The following ZDHHC2 variants were observed in gnomAD, a reference collection of about 807,000 sequenced individuals.
ZDHHC2 encodes palmitoyltransferase ZDHHC2.
ZDHHC2 carries 51 observed loss-of-function variants against 55.6 expected under a neutral mutation model. That is an observed-to-expected ratio of 0.92 (90% CI 0.73 to 1.16). The LOEUF is 1.16. ZDHHC2 is among the 50% of genes most tolerant of loss of function. The pLI, the probability that ZDHHC2 is intolerant of heterozygous loss-of-function variation, is 0.00. For synonymous variants in ZDHHC2, 199 were observed against 152.9 expected (o/e 1.30, Z -2.22); for missense variants, 491 against 442.4 (o/e 1.11, Z -0.99).
intron 1 of ZDHHC2, among the ~76,000 whole-genome samples, chr8:17,159,345 G>A (rs1804216715): frequency 6.6e-6 from 1 of 152,194 alleles, no homozygotes; most frequent in South Asian, 2.1e-4. Context: ...ACCAGAGTGT[G>A]GGGGTCGAGG....
chr8:17,211,071 A>G (rs917004061), intron 10 of ZDHHC2, among the ~76,000 whole-genome samples: 2 of 152,284 alleles, frequency 1.3e-5, no homozygotes, highest in South Asian at 4.1e-4. Context: ...TTGATTCCAG[A>G]CTATCAAGAA....
At chr8:17,176,579 C>A (rs563637722) in intron 1 of ZDHHC2, among the ~76,000 whole-genome samples, 1 of 152,134 alleles carries the variant, frequency 6.6e-6, no homozygotes, top group South Asian at 2.1e-4. Flanking sequence ...AGCTGAGTGC[C>A]GTGATCAAGA....
chr8:17,222,041 C>A lies in ZDHHC2; in HGVS notation c.*1820C>A, dbSNP rs1014138676. ...GTTAGCTGTTTTTGTGGACAGGATT[C>A]GATTAAGTATTCCCTCTTGTCAAAC... On this transcript the variant is annotated 3_prime_UTR_variant, in exon 13 of 13. Transcript: ENST00000262096. 8.7e-6 allele frequency: 1 copy of A among 115,510 alleles called. No individual in the cohort carries two copies. 7.2% of individuals were successfully genotyped at this position (115,510 alleles called of 1,614,324 possible).
At position 17,221,397 on chromosome 8, in the gene ZDHHC2, T is replaced by G. The variant is rs181197540; in HGVS notation, c.*1176T>G. Reference sequence around the variant, plus strand: ...CCTTGTATGCACTATTTAAAAAAAGTTTTTTTTATTTGAGTCCAGTATAAT... The same window carrying G: ...CCTTGTATGCACTATTTAAAAAAAGGTTTTTTTATTTGAGTCCAGTATAAT... On this transcript the variant is annotated 3_prime_UTR_variant, in exon 13 of 13. Coordinates refer to ENST00000262096, the MANE Select transcript of ZDHHC2 (RefSeq NM_016353.5). 335 of 152,254 alleles carry G rather than the reference T, an allele frequency of 2.2e-3. 2 individuals carry two copies. The highest frequency in any genetic ancestry group is 8.8e-4 in the Non-Finnish European group (60 of 67,868). The allele number at this position is 152,254 out of a possible 1,614,324, so 9.4% of individuals were successfully genotyped here.
chr8:17,182,838 T>A (rs2150903986), intron 1 of ZDHHC2, among the ~76,000 whole-genome samples: 1 of 152,310 alleles, frequency 6.6e-6, no homozygotes, highest in South Asian at 2.1e-4. Flanking sequence ...GTTGGCTCAC[T>A]GCAACCTCTG....
chr8:17,208,351 T>C (rs1017187885), intron 8 of ZDHHC2, among the ~76,000 whole-genome samples: 10 of 150,984 alleles, frequency 6.6e-5, no homozygotes, highest in Admixed American at 4.0e-4. Context: ...TATAGTGGCA[T>C]ATAGATATAT....
intron 1 of ZDHHC2, among the ~76,000 whole-genome samples, chr8:17,176,847 TATA>T (rs1805159122): frequency 6.6e-6 from 1 of 151,910 alleles, no homozygotes; most frequent in African/African-American, 2.4e-5. Context: ...TGACTTAAAG[TATA>T]ATAAAAAATA....
At chr8:17,208,142 C>A in intron 8 of ZDHHC2, 50 bp downstream of exon 8, 1 of 1,463,476 alleles carries the variant, frequency 6.8e-7, no homozygotes, top group East Asian at 2.6e-5. Context: ...CGTATACCAA[C>A]ATTCATTGAC....
intron 1 of ZDHHC2, among the ~76,000 whole-genome samples, chr8:17,160,203 A>G (rs1804265960): frequency 6.6e-6 from 1 of 152,228 alleles, no homozygotes; most frequent in Non-Finnish European, 1.5e-5. Flanking sequence ...TAACTATTTC[A>G]TACCGTTTTC....
rs971867779 is a variant in ZDHHC2 at position 17,173,689 on chromosome 8, A to G, written c.131-11100A>G. Among the ~76,000 whole-genome samples the G allele has an allele frequency of 4.0e-5, 6 of 151,372 alleles. 1 individual carries two copies. Among genetic ancestry groups the G allele is most frequent in the South Asian group, 4.2e-4 (2 of 4,772 alleles). Reference sequence around the variant, plus strand: ...GGAAAAAGACCCTGTCTTAAAAAAAAAAAGAAAGAAAGAAAGAAAAAGAAT... The same window carrying G: ...GGAAAAAGACCCTGTCTTAAAAAAAGAAAGAAAGAAAGAAAGAAAAAGAAT... On this transcript the variant is annotated intron_variant, in intron 1 of 12. Coordinates refer to ENST00000262096, the MANE Select transcript of ZDHHC2 (RefSeq NM_016353.5).
intron 7 of ZDHHC2, among the ~76,000 whole-genome samples, chr8:17,207,197 G>T (rs1807142489): frequency 6.6e-6 from 1 of 152,172 alleles, no homozygotes; most frequent in African/African-American, 2.4e-5. Flanking sequence ...GGAATCTCAG[G>T]ACCATTTATC....
intron 1 of ZDHHC2, among the ~76,000 whole-genome samples, chr8:17,159,138 C>G (rs1804208583): frequency 6.6e-6 from 1 of 152,152 alleles, no homozygotes; most frequent in Non-Finnish European, 1.5e-5. Context: ...ACTAGTGTGA[C>G]TGACACACAA....
chr8:17,179,192 A>G (rs529458944), intron 1 of ZDHHC2, among the ~76,000 whole-genome samples: 7 of 152,162 alleles, frequency 4.6e-5, no homozygotes, highest in Admixed American at 6.5e-5. Context: ...CCTCAAAACT[A>G]TGCTCTCACC....
chr8:17,199,610 T>G lies in ZDHHC2; in HGVS notation c.476+1197T>G, dbSNP rs1563161691. Among the ~76,000 whole-genome samples, 71 of 20,696 alleles carry G rather than the reference T, an allele frequency of 3.4e-3. 3 individuals carry two copies. Among genetic ancestry groups the G allele is most frequent in the South Asian group, 0.011 (6 of 558 alleles). 13.6% of individuals were successfully genotyped at this position (20,696 alleles called of 152,430 possible). A position where few individuals can be genotyped will look rare whatever the true frequency, so the allele number is the denominator to read the frequency against. On this transcript the variant is annotated intron_variant, in intron 6 of 12. Coordinates refer to ENST00000262096, the MANE Select transcript of ZDHHC2 (RefSeq NM_016353.5). ...CTTCTTTCTTCTTCTTTATTCTTTC[T>G]TCTTCTTCTTCTTCCTTTCTTCTTC...
chr8:17,156,583 G>A lies in ZDHHC2; in HGVS notation c.-141G>A, dbSNP rs1804054690. ...CGGGGCTGCGGGATGGGGAGTTAGC[G>A]CCACGGCGGCGGCAGTGGCCGCAGC... On this transcript the variant is annotated 5_prime_UTR_variant, in exon 1 of 13. Coordinates refer to ENST00000262096, the MANE Select transcript of ZDHHC2 (RefSeq NM_016353.5). 3 of 536,714 alleles carry A rather than the reference G, an allele frequency of 5.6e-6. No homozygotes were observed. The highest frequency in any genetic ancestry group is 7.2e-6 in the Non-Finnish European group (3 of 416,344). 33.2% of individuals were successfully genotyped at this position (536,714 alleles called of 1,614,324 possible). A position where few individuals can be genotyped will look rare whatever the true frequency, so the allele number is the denominator to read the frequency against.
intron 1 of ZDHHC2, among the ~76,000 whole-genome samples, chr8:17,183,238 T>C (rs142337949): frequency 2.0e-5 from 3 of 152,216 alleles, no homozygotes; most frequent in African/African-American, 7.2e-5. Context: ...TTTCCTTAGA[T>C]TGGCTCCACT....
intron 3 of ZDHHC2, among the ~76,000 whole-genome samples, chr8:17,188,217 C>G (rs1405573153): frequency 2.0e-5 from 3 of 152,164 alleles, no homozygotes; most frequent in Non-Finnish European, 2.9e-5. Flanking sequence ...ACAGCCTGGC[C>G]TACCTTTCCT....
intron 1 of ZDHHC2, among the ~76,000 whole-genome samples, chr8:17,183,825 A>G (rs1805557875): frequency 6.6e-6 from 1 of 152,110 alleles, no homozygotes; most frequent in Non-Finnish European, 1.5e-5. Flanking sequence ...CCAAGAAACT[A>G]CGGGCTTCTG....
At chr8:17,214,177 A>C (rs973876827) in intron 10 of ZDHHC2, among the ~76,000 whole-genome samples, 4 of 152,176 alleles carry the variant, frequency 2.6e-5, no homozygotes, top group African/African-American at 7.2e-5. Context: ...ATGTTTCCTA[A>C]GTGAAATATT....
Sources: allele counts gnomAD v4.1 joint callset (sites outside exome capture counted in the v4.1 genomes callset), GRCh38; gene constraint gnomAD v4.1.1; transcripts MANE v1.5; gene names NCBI Gene and HGNC (gene_info 2026-07-23, HGNC 2026-07-21).